GRIN2B: variants seen among roughly 807,000 people sequenced by gnomAD.
The protein encoded by GRIN2B is glutamate ionotropic receptor NMDA type subunit 2B.
Under a neutral mutation model 114.5 loss-of-function variants are expected in GRIN2B, and 5 were observed. The observed-to-expected ratio is 0.04, with a 90% CI of 0.02 to 0.09. GRIN2B has a LOEUF of 0.09. GRIN2B is among the 10% of genes least tolerant of loss of function. GRIN2B has a pLI of 1.00. For missense variants in GRIN2B, 1,108 were observed against 1,943.5 expected, an observed-to-expected ratio of 0.57 and a Z score of 8.08; for synonymous variants, 787 against 745.1, an observed-to-expected ratio of 1.06 and a Z score of -0.92.
At chr12:13,978,181 T>C (rs1238556899) in intron 2 of GRIN2B, among the ~76,000 whole-genome samples, 1 of 152,228 alleles carries the variant, frequency 6.6e-6, no homozygotes, top group African/African-American at 2.4e-5. Context: ...TATGAAAGCA[T>C]TGCACATGGA....
At chr12:13,972,631 G>A (rs1180531337) in intron 2 of GRIN2B, among the ~76,000 whole-genome samples, 1 of 152,196 alleles carries the variant, frequency 6.6e-6, no homozygotes, top group Non-Finnish European at 1.5e-5. Flanking sequence ...GGAAAGGAAA[G>A]TACTGAAATG....
chr12:13,951,492 G>T (rs763224347), intron 2 of GRIN2B, among the ~76,000 whole-genome samples: 8 of 152,182 alleles, frequency 5.3e-5, no homozygotes, highest in Non-Finnish European at 1.0e-4. Flanking sequence ...TTGTTAACAG[G>T]ATATTCAAGT....
chr12:13,659,251 C>T (rs1949896971), intron 5 of GRIN2B, among the ~76,000 whole-genome samples: 1 of 152,164 alleles, frequency 6.6e-6, no homozygotes. Context: ...TCCCAGTGTC[C>T]CATAAATGTC....
At chr12:13,872,867 C>A (rs984199866) in intron 2 of GRIN2B, among the ~76,000 whole-genome samples, 1 of 151,932 alleles carries the variant, frequency 6.6e-6, no homozygotes, top group African/African-American at 2.4e-5. Context: ...GAAAGAAGAC[C>A]CAAACAATGT....
At chr12:13,734,864 G>C (rs1863153039) in intron 4 of GRIN2B, among the ~76,000 whole-genome samples, 1 of 152,210 alleles carries the variant, frequency 6.6e-6, no homozygotes, top group South Asian at 2.1e-4. Flanking sequence ...AATTGAAAGA[G>C]AGGAGCATCA....
chr12:13,952,077 G>A (rs1472195111), intron 2 of GRIN2B, among the ~76,000 whole-genome samples: 1 of 151,404 alleles, frequency 6.6e-6, no homozygotes, highest in African/African-American at 2.4e-5. Context: ...TTTTTTGGTT[G>A]GGGGTGTGAA....
chr12:13,758,988 A>G (rs908384698), intron 3 of GRIN2B, among the ~76,000 whole-genome samples: 31 of 142,880 alleles, frequency 2.2e-4, no homozygotes, highest in African/African-American at 7.4e-4. Context: ...TGATGATCTC[A>G]TCTAGTTCAA....
chr12:13,747,702 G>T (rs563374786), intron 4 of GRIN2B, among the ~76,000 whole-genome samples: 55 of 152,208 alleles, frequency 3.6e-4, no homozygotes, highest in African/African-American at 1.2e-3. Flanking sequence ...GTAACCTTTT[G>T]GTTGTTTCAC....
chr12:13,685,281 T>C lies in GRIN2B; in HGVS notation c.1011-9422A>G, dbSNP rs976580833. ...GTTCCTGCCCCATCTGTAGCTACCA[T>C]ATTTTTGACTTCACAATTCCCTCTA... On this transcript the variant is annotated intron_variant, in intron 4 of 13. Transcript: ENST00000609686. Among the ~76,000 whole-genome samples, 11 of 152,174 alleles carry C rather than the reference T, an allele frequency of 7.2e-5. 1 individual carries two copies. Among genetic ancestry groups the C allele is most frequent in the Non-Finnish European group, 1.3e-4 (9 of 68,034 alleles).
chr12:13,783,431 G>GGTTTTGTTTTGTTTT (rs58630929), intron 3 of GRIN2B, among the ~76,000 whole-genome samples: 36,008 of 149,574 alleles, frequency 0.24, 4,523 homozygotes, highest in Non-Finnish European at 0.27. Flanking sequence ...AACGGAAATA[G>GGTTTTGTTTTGTTTT]GTTTTGTTTT....
chr12:13,638,809 A>G (rs1565485166), intron 5 of GRIN2B, among the ~76,000 whole-genome samples: 1 of 152,060 alleles, frequency 6.6e-6, no homozygotes, highest in Non-Finnish European at 1.5e-5. Context: ...CAGCATGGCA[A>G]ATTCCATCCT....
intron 5 of GRIN2B, among the ~76,000 whole-genome samples, chr12:13,667,207 C>G (rs1224899354): frequency 1.3e-5 from 2 of 152,154 alleles, no homozygotes; most frequent in African/African-American, 4.8e-5. Flanking sequence ...ACCCCATTCT[C>G]TGTGATGTAA....
intron 3 of GRIN2B, among the ~76,000 whole-genome samples, chr12:13,806,478 T>A (rs545340223): frequency 6.6e-6 from 1 of 152,182 alleles, no homozygotes; most frequent in Admixed American, 6.6e-5. Flanking sequence ...TGATTAGTGA[T>A]GTTGAGCATT....
At chr12:13,593,431 AT>A (rs1949033564) in intron 10 of GRIN2B, among the ~76,000 whole-genome samples, 1 of 152,334 alleles carries the variant, frequency 6.6e-6, no homozygotes, top group African/African-American at 2.4e-5. Context: ...CCTGACAAAA[AT>A]CAAGCAATGG....
At chr12:13,857,825 A>G (rs1238714341) in intron 3 of GRIN2B, among the ~76,000 whole-genome samples, 2 of 152,182 alleles carry the variant, frequency 1.3e-5, no homozygotes, top group African/African-American at 4.8e-5. Flanking sequence ...TCATGAAATC[A>G]AGGATGTGGG....
rs1352295594 is a variant in GRIN2B, at chr12:13,540,734, GC to G, written c.*22048del. 18 of 152,136 alleles carry G rather than the reference GC, an allele frequency of 1.2e-4. No individual in the cohort carries two copies. Among genetic ancestry groups the G allele is most frequent in the African/African-American group, 4.1e-4 (17 of 41,520 alleles). 9.4% of individuals were successfully genotyped at this position (152,136 alleles called of 1,614,324 possible). On this transcript the variant is annotated 3_prime_UTR_variant, in exon 14 of 14. Coordinates refer to ENST00000609686, the MANE Select transcript of GRIN2B (RefSeq NM_000834.5). ...AAATAGATATTTACAGAAAACAGAAGCAAAACAAATAAACAAAAAAAGAACT... is the reference window on the plus strand; with the variant it reads ...AAATAGATATTTACAGAAAACAGAAGAAAACAAATAAACAAAAAAAGAACT...
chr12:13,903,630 T>G (rs1467893723), intron 2 of GRIN2B, among the ~76,000 whole-genome samples: 1 of 152,120 alleles, frequency 6.6e-6, no homozygotes, highest in Non-Finnish European at 1.5e-5. Flanking sequence ...AATTTAAGTT[T>G]TGATAAATGG....
chr12:13,694,664 TATATATATA>T (rs1392077559), intron 4 of GRIN2B, among the ~76,000 whole-genome samples: 1 of 55,030 alleles, frequency 1.8e-5, no homozygotes, highest in African/African-American at 4.8e-5. Flanking sequence ...GTCATATATA[TATATATATA>T]TATATATATA....
intron 4 of GRIN2B, among the ~76,000 whole-genome samples, chr12:13,743,917 G>A (rs1226796745): frequency 6.6e-6 from 1 of 152,014 alleles, no homozygotes; most frequent in African/African-American, 2.4e-5. Context: ...AATCTCTTTT[G>A]GAAAATTGTG....
Sources: allele counts gnomAD v4.1 joint callset (sites outside exome capture counted in the v4.1 genomes callset), GRCh38; gene constraint gnomAD v4.1.1; transcripts MANE v1.5; gene names NCBI Gene and HGNC (gene_info 2026-07-23, HGNC 2026-07-21).